The following NRXN3 variants were observed in gnomAD, a reference collection of about 807,000 sequenced individuals.
The protein encoded by NRXN3 is neurexin 3, also known as neurexin III.
Under a neutral mutation model 137.6 loss-of-function variants are expected in NRXN3, and 32 were observed. That is an observed-to-expected ratio of 0.23 (90% confidence interval 0.18 to 0.31). NRXN3 has a LOEUF of 0.31. Ranked by LOEUF, NRXN3 falls within the 10% of genes least tolerant of loss-of-function variation. The pLI is 1.00. For missense variants in NRXN3, 1,574 were observed against 2,062.5 expected (o/e 0.76, Z 4.59); for synonymous variants, 798 against 784.5 (o/e 1.02, Z -0.29).
chr14:79,390,518 C>T (rs967540461), intron 15 of NRXN3, among the ~76,000 whole-genome samples: 1 of 152,054 alleles, frequency 6.6e-6, no homozygotes, highest in Non-Finnish European at 1.5e-5. Context: ...GTTTCAGTGA[C>T]TTTGATTTCA....
At chr14:79,681,450 A>T (rs148434945) in intron 17 of NRXN3, among the ~76,000 whole-genome samples, 1 of 152,200 alleles carries the variant, frequency 6.6e-6, no homozygotes, top group East Asian at 1.9e-4. Context: ...TGATGGCCTC[A>T]TGTACCCCTC....
At chr14:79,191,047 A>G (rs1000918044) in intron 15 of NRXN3, among the ~76,000 whole-genome samples, 1 of 152,208 alleles carries the variant, frequency 6.6e-6, no homozygotes, top group African/African-American at 2.4e-5. Context: ...CTAAAAGCCA[A>G]TGGAGATTAA....
intron 4 of NRXN3, among the ~76,000 whole-genome samples, chr14:78,472,143 T>A (rs1177231593): frequency 6.6e-6 from 1 of 152,222 alleles, no homozygotes; most frequent in Non-Finnish European, 1.5e-5. Context: ...GCTTACTGTT[T>A]GAGGCCTAAG....
chr14:79,822,214 G>C (rs538639584), intron 20 of NRXN3, among the ~76,000 whole-genome samples: 1 of 152,158 alleles, frequency 6.6e-6, no homozygotes, highest in South Asian at 2.1e-4. Context: ...TGCCCACACA[G>C]AGGACAGATT....
chr14:78,532,375 TTGTGTGTGTG>T (rs56788209), intron 4 of NRXN3, among the ~76,000 whole-genome samples: 4,478 of 138,624 alleles, frequency 0.032, 93 homozygotes, highest in African/African-American at 0.036. Flanking sequence ...TGATGATATT[TTGTGTGTGTG>T]TGTGTGTGTG....
chr14:78,660,646 CAG>C (rs1354396326), intron 6 of NRXN3, among the ~76,000 whole-genome samples: 1 of 152,158 alleles, frequency 6.6e-6, no homozygotes, highest in Non-Finnish European at 1.5e-5. Flanking sequence ...TAGAGAAAAT[CAG>C]AGCCAAAAGA....
At chr14:79,843,580 CAA>C (rs1246720885) in intron 20 of NRXN3, among the ~76,000 whole-genome samples, 1 of 152,132 alleles carries the variant, frequency 6.6e-6, no homozygotes, top group Non-Finnish European at 1.5e-5. Flanking sequence ...CAACCTCTTT[CAA>C]AATTGGAGTC....
chr14:79,419,795 A>G (rs2095549844), intron 15 of NRXN3, among the ~76,000 whole-genome samples: 1 of 152,188 alleles, frequency 6.6e-6, no homozygotes, highest in African/African-American at 2.4e-5. Context: ...TAAGGATTGG[A>G]TTACATAATG....
At chr14:78,524,498 A>G (rs1198484771) in intron 4 of NRXN3, among the ~76,000 whole-genome samples, 1 of 152,178 alleles carries the variant, frequency 6.6e-6, no homozygotes, top group Non-Finnish European at 1.5e-5. Flanking sequence ...TTTATTAAAA[A>G]CACTGATTCC....
intron 15 of NRXN3, among the ~76,000 whole-genome samples, chr14:79,120,976 A>G (rs2055314453): frequency 6.6e-6 from 1 of 152,128 alleles, no homozygotes; most frequent in African/African-American, 2.4e-5. Flanking sequence ...CTAGGGGGGA[A>G]ATTAACAGCA....
At chr14:79,827,645 G>A (rs2099309171) in intron 20 of NRXN3, among the ~76,000 whole-genome samples, 1 of 151,424 alleles carries the variant, frequency 6.6e-6, no homozygotes, top group Non-Finnish European at 1.5e-5. Flanking sequence ...GAACAGGTAT[G>A]TCATATGGCC....
At chr14:79,792,767 T>G (rs1225192464) in intron 19 of NRXN3, among the ~76,000 whole-genome samples, 5 of 152,200 alleles carry the variant, frequency 3.3e-5, no homozygotes. Flanking sequence ...TTCAAAATCC[T>G]TTGAGGGAAG....
intron 15 of NRXN3, among the ~76,000 whole-genome samples, chr14:79,327,887 C>T (rs1437416534): frequency 6.6e-6 from 1 of 152,118 alleles, no homozygotes; most frequent in East Asian, 1.9e-4. Context: ...ATAAGAAAAG[C>T]CTTTATTTAG....
chr14:79,027,612 G>A (rs1240688380), intron 15 of NRXN3, among the ~76,000 whole-genome samples: 2 of 152,120 alleles, frequency 1.3e-5, no homozygotes, highest in African/African-American at 4.8e-5. Context: ...TGTCTGGATT[G>A]AGGTCTCTAG....
chr14:78,713,339 G>C (rs1410055287), intron 7 of NRXN3, among the ~76,000 whole-genome samples: 2 of 152,062 alleles, frequency 1.3e-5, no homozygotes, highest in Non-Finnish European at 2.9e-5. Flanking sequence ...GCCTACCTCA[G>C]GGCCTTTGTA....
chr14:79,766,224 C>T (rs1467118904), intron 19 of NRXN3, among the ~76,000 whole-genome samples: 2 of 151,894 alleles, frequency 1.3e-5, no homozygotes, highest in Non-Finnish European at 2.9e-5. Context: ...ATATGGTGTC[C>T]ACTTCATGCC....
chr14:79,101,192 G>T (rs953084998), intron 15 of NRXN3, among the ~76,000 whole-genome samples: 2 of 152,148 alleles, frequency 1.3e-5, no homozygotes, highest in Admixed American at 1.3e-4. Context: ...AGGAGGGGAG[G>T]CACTCAGGGC....
At chr14:79,608,586 A>C (rs1432675698) in intron 16 of NRXN3, among the ~76,000 whole-genome samples, 3 of 152,188 alleles carry the variant, frequency 2.0e-5, no homozygotes, top group Non-Finnish European at 4.4e-5. Context: ...GACAGGAAGG[A>C]AGGTGATGCT....
At chr14:78,834,097 A>G (rs1453434932) in intron 10 of NRXN3, among the ~76,000 whole-genome samples, 1 of 152,172 alleles carries the variant, frequency 6.6e-6, no homozygotes, top group Non-Finnish European at 1.5e-5. Context: ...ATGGCTGGTG[A>G]GTGAACAAGG....
Sources: gnomAD v4.1 joint callset for allele counts (sites outside exome capture counted in the v4.1 genomes callset) on GRCh38, gnomAD v4.1.1 for gene constraint, MANE v1.5 for transcripts, NCBI Gene and HGNC (gene_info 2026-07-23, HGNC 2026-07-21) for gene names.